MSN: variants seen among roughly 807,000 people sequenced by gnomAD.
MSN encodes epididymis luminal protein 70.
MSN carries 2 observed loss-of-function variants against 48.0 expected under a neutral mutation model. That is an observed-to-expected ratio of 0.04 (90% CI 0.02 to 0.13). The LOEUF is 0.13. MSN is among the 10% of genes least tolerant of loss of function. The pLI is 1.00. For synonymous variants in MSN, 146 were observed against 166.9 expected (o/e 0.87, Z 0.97); for missense variants, 267 against 470.1 (o/e 0.57, Z 3.99).
At chrX:65,698,482 C>T (rs921844114) in intron 1 of MSN, among the ~76,000 whole-genome samples, 5 of 112,351 alleles carry the variant, frequency 4.5e-5, no homozygotes, top group Non-Finnish European at 3.8e-5. Context: ...TCTCAGGGCC[C>T]CAGTTGTTTC....
intron 2 of MSN, among the ~76,000 whole-genome samples, chrX:65,723,888 T>C (rs1234592208): frequency 9.0e-6 from 1 of 111,284 alleles, no homozygotes; most frequent in African/African-American, 3.3e-5. Flanking sequence ...GAGACTTCAG[T>C]GCAGGCTGAG....
intron 1 of MSN, among the ~76,000 whole-genome samples, chrX:65,619,705 G>A (rs1214722985): frequency 9.2e-6 from 1 of 108,533 alleles, no homozygotes; most frequent in African/African-American, 3.6e-5. Flanking sequence ...TCTTCTCTCA[G>A]CTCGTCAAAG....
intron 1 of MSN, among the ~76,000 whole-genome samples, chrX:65,662,164 C>G (rs766535150): frequency 8.9e-6 from 1 of 112,540 alleles, no homozygotes; most frequent in East Asian, 2.8e-4. Flanking sequence ...ATATCCCATG[C>G]TCATGGATTG....
intron 1 of MSN, among the ~76,000 whole-genome samples, chrX:65,657,784 G>T (rs2070792482): frequency 9.0e-6 from 1 of 111,625 alleles, no homozygotes; most frequent in Non-Finnish European, 1.9e-5. Context: ...CCCCTTCCTC[G>T]AGTATGTCTG....
At chrX:65,608,542 G>C (rs1437723324) in intron 1 of MSN, among the ~76,000 whole-genome samples, 1 of 110,797 alleles carries the variant, frequency 9.0e-6, no homozygotes, top group Non-Finnish European at 1.9e-5. Flanking sequence ...TTTTTGTGTG[G>C]AATGCAAGAA....
At chrX:65,693,981 A>G (rs1237757877) in intron 1 of MSN, among the ~76,000 whole-genome samples, 1 of 110,068 alleles carries the variant, frequency 9.1e-6, no homozygotes, top group Non-Finnish European at 1.9e-5. Flanking sequence ...TGAACCCAGG[A>G]GGCGGAGGTT....
intron 1 of MSN, among the ~76,000 whole-genome samples, chrX:65,620,712 T>C (rs896197465): frequency 2.7e-5 from 3 of 111,839 alleles, no homozygotes; most frequent in African/African-American, 9.7e-5. Flanking sequence ...GCTGCTCCTA[T>C]TCGGCCATCT....
At chrX:65,667,910 C>T in intron 1 of MSN, 57 bp downstream of exon 1, 1 of 1,160,341 alleles carries the variant, frequency 8.6e-7, no homozygotes, top group Non-Finnish European at 1.2e-6. Context: ...GCCTCATAGC[C>T]CTTTGCTGAT....
Position 65,729,651 on chromosome X carries a change from G to A in MSN, c.406G>A (p.Asp136Asn), listed in dbSNP as rs768117369. The A allele has an allele frequency of 1.2e-5, 14 of 1,211,550 alleles. No individual in the cohort carries two copies. Among genetic ancestry groups the A allele is most frequent in the Middle Eastern group, 2.3e-4 (1 of 4,313 alleles). Reference sequence around the variant, plus strand: ...GTATGCTGTCCAGTCTAAGTATGGCGACTTCAATAAGGAAGTGCATAAGTC... The same window carrying A: ...GTATGCTGTCCAGTCTAAGTATGGCAACTTCAATAAGGAAGTGCATAAGTC... ...ASYAVQSKYG[D>N]FNKEVHKSGY... is the part of the protein sequence containing the mutation. The change falls in exon 4 of 13, where the codon GAC becomes AAC. Residue 136 changes from aspartate to asparagine, a missense_variant. By Grantham distance (23) the Asp-to-Asn change is conservative. Transcript: ENST00000360270.
At chrX:65,657,908 CAT>C (rs2070793498) in intron 1 of MSN, among the ~76,000 whole-genome samples, 1 of 112,076 alleles carries the variant, frequency 8.9e-6, no homozygotes, top group African/African-American at 3.2e-5. Context: ...AATCAACAAA[CAT>C]GTGACTTTTG....
intron 1 of MSN, among the ~76,000 whole-genome samples, chrX:65,689,255 A>G (rs2071147366): frequency 9.0e-6 from 1 of 111,627 alleles, no homozygotes. Flanking sequence ...CTCCCCTAAC[A>G]ATGGAGGCTG....
At chrX:65,724,518 C>T (rs981015739) in intron 2 of MSN, among the ~76,000 whole-genome samples, 3 of 111,441 alleles carry the variant, frequency 2.7e-5, no homozygotes, top group African/African-American at 9.8e-5. Flanking sequence ...AAGAGGCTAA[C>T]GGTCTCACTC....
At chrX:65,613,388 C>T (rs1245144088) in intron 1 of MSN, among the ~76,000 whole-genome samples, 1 of 114,996 alleles carries the variant, frequency 8.7e-6, no homozygotes, top group Non-Finnish European at 1.9e-5. Context: ...TGGGAATATA[C>T]CCAGTAATGG....
chrX:65,714,265 C>T (rs2071441120), intron 1 of MSN, among the ~76,000 whole-genome samples: 1 of 111,829 alleles, frequency 8.9e-6, no homozygotes, highest in Admixed American at 9.5e-5. Flanking sequence ...GTGAATAGTG[C>T]TTCAATGCAC....
chrX:65,623,350 C>CT lies in MSN; in HGVS notation c.-22+34746dup, dbSNP rs1318840368. ...ATGTTAGCCTGTAATTTCTTTCTTT[C>CT]TTTTTTTTCTTTCTTTTCTTTTTTT... On this transcript the variant is annotated intron_variant, in intron 1 of 3. Coordinates refer to the MSN transcript ENST00000609672. Among the ~76,000 whole-genome samples the CT allele has an allele frequency of 2.4e-3, 202 of 82,694 alleles. 9 individuals are homozygous for CT. Among genetic ancestry groups the CT allele is most frequent in the African/African-American group, 9.9e-3 (190 of 19,175 alleles). 71.8% of individuals were successfully genotyped at this position (82,694 alleles called of 115,157 possible).
At chrX:65,626,100 A>T (rs901037705) in intron 1 of MSN, among the ~76,000 whole-genome samples, 18 of 110,087 alleles carry the variant, frequency 1.6e-4, no homozygotes, top group Non-Finnish European at 2.8e-4. Flanking sequence ...GACTACAGGC[A>T]TCCACCACCA....
intron 1 of MSN, among the ~76,000 whole-genome samples, chrX:65,661,064 A>G (rs2070820033): frequency 9.0e-6 from 1 of 111,043 alleles, no homozygotes. Flanking sequence ...CCCAAGTTCA[A>G]GTGATTCTCC....
At chrX:65,703,723 C>T (rs2071332432) in intron 1 of MSN, among the ~76,000 whole-genome samples, 3 of 111,498 alleles carry the variant, frequency 2.7e-5, no homozygotes, top group African/African-American at 6.5e-5. Context: ...TACAGGCGTG[C>T]GCCACCATGC....
At chrX:65,633,415 C>T (rs1014637695) in intron 1 of MSN, among the ~76,000 whole-genome samples, 2 of 112,187 alleles carry the variant, frequency 1.8e-5, no homozygotes, top group Non-Finnish European at 3.8e-5. Context: ...CTCTAACCTA[C>T]CACCAAACAA....
Sources: gnomAD v4.1 joint callset for allele counts (sites outside exome capture counted in the v4.1 genomes callset) on GRCh38, gnomAD v4.1.1 for gene constraint, MANE v1.5 for transcripts, NCBI Gene and HGNC (gene_info 2026-07-23, HGNC 2026-07-21) for gene names.